MCF2L2: variants seen among roughly 807,000 people sequenced by gnomAD.
The protein encoded by MCF2L2 is MCF.2 cell line derived transforming sequence-like 2, also known as probable guanine nucleotide exchange factor MCF2L2.
MCF2L2 carries 102 observed loss-of-function variants against 150.2 expected under a neutral mutation model. The ratio of observed to expected loss-of-function variants is 0.68; its 90% CI spans 0.58 to 0.80. MCF2L2 has a LOEUF of 0.80. MCF2L2 is among the 30% of genes least tolerant of loss of function. The pLI, the probability that MCF2L2 is intolerant of heterozygous loss-of-function variation, is 0.00. For missense variants in MCF2L2, 1,256 were observed against 1,372.8 expected (o/e 0.91, Z 1.34); for synonymous variants, 465 against 491.3 (o/e 0.95, Z 0.71).
At chr3:183,273,131 G>T in intron 15 of MCF2L2, 1 of 764,650 alleles carries the variant, frequency 1.3e-6, no homozygotes, top group Non-Finnish European at 2.0e-6. Flanking sequence ...CCAGTGTAGG[G>T]CTATCTTTTT....
chr3:183,213,001 GT>G (rs1411456272), intron 22 of MCF2L2, among the ~76,000 whole-genome samples: 1 of 151,686 alleles, frequency 6.6e-6, no homozygotes, highest in East Asian at 1.9e-4. Flanking sequence ...CTTTGCCTGG[GT>G]CACTAGGATT....
At chr3:183,328,384 A>C (rs1334051879) in intron 5 of MCF2L2, among the ~76,000 whole-genome samples, 1 of 152,182 alleles carries the variant, frequency 6.6e-6, no homozygotes, top group Non-Finnish European at 1.5e-5. Flanking sequence ...GCCCAGACTT[A>C]AAATTAGCAT....
At chr3:183,376,024 G>C (rs951894241) in intron 3 of MCF2L2, 1 of 151,992 alleles carries the variant, frequency 6.6e-6, no homozygotes, top group African/African-American at 2.4e-5. Flanking sequence ...GTGAGCAAAA[G>C]CGGAAGAAGA....
chr3:183,409,185 C>T (rs1021996471), intron 1 of MCF2L2, among the ~76,000 whole-genome samples: 5 of 152,204 alleles, frequency 3.3e-5, no homozygotes, highest in South Asian at 2.1e-4. Flanking sequence ...GCCAACTTTT[C>T]GAGTGGCTCA....
At chr3:183,228,236 C>A (rs373082330) in intron 18 of MCF2L2, 61 bp downstream of exon 18, 7 of 1,300,682 alleles carry the variant, frequency 5.4e-6, no homozygotes, top group Non-Finnish European at 7.8e-6. Flanking sequence ...GTCCTTGCCA[C>A]TTAACGCAGA....
At chr3:183,246,887 A>G (rs552124537) in intron 15 of MCF2L2, among the ~76,000 whole-genome samples, 5 of 152,278 alleles carry the variant, frequency 3.3e-5, no homozygotes, top group Non-Finnish European at 7.4e-5. Context: ...AGCTAACCCA[A>G]TGGGCATGAA....
At chr3:183,400,207 A>G (rs1714666958) in intron 1 of MCF2L2, 1 of 310,236 alleles carries the variant, frequency 3.2e-6, no homozygotes, top group African/African-American at 2.2e-5. Flanking sequence ...AGTCATTTTA[A>G]AACTTCTTCA....
At chr3:183,234,021 A>G (rs536582784) in intron 15 of MCF2L2, among the ~76,000 whole-genome samples, 1 of 152,352 alleles carries the variant, frequency 6.6e-6, no homozygotes, top group East Asian at 1.9e-4. Flanking sequence ...TTACTTAAAC[A>G]TCATACTTTA....
At chr3:183,192,035 G>C (rs1255323083) in intron 27 of MCF2L2, among the ~76,000 whole-genome samples, 1 of 149,980 alleles carries the variant, frequency 6.7e-6, no homozygotes, top group Non-Finnish European at 1.5e-5. Flanking sequence ...ATTTTTAGTA[G>C]AGATGGGGTT....
At chr3:183,312,431 CA>C (rs2108510670) in intron 7 of MCF2L2, among the ~76,000 whole-genome samples, 1 of 152,322 alleles carries the variant, frequency 6.6e-6, no homozygotes, top group East Asian at 1.9e-4. Flanking sequence ...TTGGACAGTG[CA>C]GGTCATCATT....
intron 15 of MCF2L2, chr3:183,273,100 A>G (rs1018725189): frequency 1.5e-6 from 2 of 1,327,096 alleles, no homozygotes; most frequent in Non-Finnish European, 2.0e-6. Flanking sequence ...TTAAAAAAGA[A>G]GGAAAAAACT....
At chr3:183,421,387 C>A (rs562405536) in intron 1 of MCF2L2, among the ~76,000 whole-genome samples, 1 of 152,314 alleles carries the variant, frequency 6.6e-6, no homozygotes, top group East Asian at 1.9e-4. Flanking sequence ...TCAAATCTAT[C>A]TTCAGTTCCT....
intron 15 of MCF2L2, among the ~76,000 whole-genome samples, chr3:183,263,058 G>A (rs1380828449): frequency 1.3e-5 from 2 of 152,028 alleles, no homozygotes; most frequent in Non-Finnish European, 2.9e-5. Context: ...GAAGGTTCTC[G>A]ATGAATATTT....
At chr3:183,314,672 C>T (rs562630574) in intron 7 of MCF2L2, among the ~76,000 whole-genome samples, 46 of 151,722 alleles carry the variant, frequency 3.0e-4, no homozygotes, top group Non-Finnish European at 4.9e-4. Flanking sequence ...GTATATCACA[C>T]GCTACAACTT....
At chr3:183,202,971 G>A (rs1722343258) in intron 25 of MCF2L2, among the ~76,000 whole-genome samples, 1 of 152,250 alleles carries the variant, frequency 6.6e-6, no homozygotes, top group African/African-American at 2.4e-5. Context: ...CACTTTGGGA[G>A]GCCAAGGCAG....
At chr3:183,249,812 CAA>C (rs1479572111) in intron 15 of MCF2L2, among the ~76,000 whole-genome samples, 1 of 152,156 alleles carries the variant, frequency 6.6e-6, no homozygotes, top group Admixed American at 6.5e-5. Context: ...ATTCTTGGAA[CAA>C]AAGTTTGAAT....
At chr3:183,399,835 C>A (rs1714647014) in intron 1 of MCF2L2, among the ~76,000 whole-genome samples, 1 of 152,216 alleles carries the variant, frequency 6.6e-6, no homozygotes, top group African/African-American at 2.4e-5. Context: ...CAAGTACAAT[C>A]TGATTCTCAA....
At chr3:183,290,796 T>C (rs1397060185) in intron 13 of MCF2L2, among the ~76,000 whole-genome samples, 7 of 152,210 alleles carry the variant, frequency 4.6e-5, no homozygotes, top group Non-Finnish European at 8.8e-5. Flanking sequence ...CCTCCCAAAG[T>C]GCTGGGATTA....
intron 27 of MCF2L2, among the ~76,000 whole-genome samples, chr3:183,184,247 A>G (rs1041767739): frequency 6.6e-6 from 1 of 152,194 alleles, no homozygotes; most frequent in Non-Finnish European, 1.5e-5. Context: ...CGAACTCTTG[A>G]TCTCAGGTGA....
Sources: gnomAD v4.1 joint callset for allele counts (sites outside exome capture counted in the v4.1 genomes callset) on GRCh38, gnomAD v4.1.1 for gene constraint, MANE v1.5 for transcripts, NCBI Gene and HGNC (gene_info 2026-07-23, HGNC 2026-07-21) for gene names.